Variants in MEI4 observed in about 807,000 individuals in gnomAD.
The protein encoded by MEI4 is meiosis-specific protein MEI4.
Under a neutral mutation model 31.4 loss-of-function variants are expected in MEI4, and 27 were observed. The ratio of observed to expected loss-of-function variants is 0.86; its 90% CI spans 0.63 to 1.19. The LOEUF (loss-of-function observed/expected upper bound fraction) is 1.19. MEI4 is among the 50% of genes most tolerant of loss of function. MEI4 has a pLI of 0.00. For synonymous variants in MEI4, 122 were observed against 145.4 expected (o/e 0.84, Z 1.16); for missense variants, 329 against 398.9 (o/e 0.82, Z 1.49).
chr6:77,783,542 A>G (rs1327221310), intron 3 of MEI4, among the ~76,000 whole-genome samples: 1 of 152,186 alleles, frequency 6.6e-6, no homozygotes, highest in African/African-American at 2.4e-5. Flanking sequence ...GAACAGGCTC[A>G]GAAAGATGTC....
intron 2 of MEI4, among the ~76,000 whole-genome samples, chr6:77,742,537 G>C (rs185993327): frequency 9.9e-5 from 15 of 152,284 alleles, no homozygotes; most frequent in African/African-American, 3.6e-4. Context: ...GGTGAGATGA[G>C]TAGTTTGCGA....
chr6:77,784,623 A>G (rs990686063), intron 3 of MEI4, among the ~76,000 whole-genome samples: 2 of 152,198 alleles, frequency 1.3e-5, no homozygotes, highest in Non-Finnish European at 2.9e-5. Flanking sequence ...TAAAGCTGGC[A>G]GAACAACAAT....
chr6:77,868,856 C>A (rs1462410976), intron 4 of MEI4, among the ~76,000 whole-genome samples: 1 of 152,010 alleles, frequency 6.6e-6, no homozygotes, highest in Non-Finnish European at 1.5e-5. Context: ...TCCCAACCAG[C>A]AGTGCCCAAG....
At chr6:77,680,849 G>C (rs1188076147) in intron 1 of MEI4, among the ~76,000 whole-genome samples, 1 of 152,174 alleles carries the variant, frequency 6.6e-6, no homozygotes, top group African/African-American at 2.4e-5. Context: ...AAATTTAAAT[G>C]AGTGAGACTG....
chr6:77,679,775 C>T (rs558506686), intron 1 of MEI4, among the ~76,000 whole-genome samples: 2 of 151,900 alleles, frequency 1.3e-5, no homozygotes, highest in East Asian at 2.0e-4. Flanking sequence ...CAGTCTCGCT[C>T]CGTCTCCCAG....
chr6:77,811,955 A>C (rs1165132375), intron 3 of MEI4, among the ~76,000 whole-genome samples: 2 of 152,134 alleles, frequency 1.3e-5, no homozygotes, highest in African/African-American at 2.4e-5. Context: ...TGATTTCTAA[A>C]ATCCTTTGTA....
intron 3 of MEI4, among the ~76,000 whole-genome samples, chr6:77,810,012 A>C (rs1769537756): frequency 6.6e-6 from 1 of 152,200 alleles, no homozygotes; most frequent in Non-Finnish European, 1.5e-5. Context: ...AGCACTAGAA[A>C]TATTAAGACC....
chr6:77,685,633 T>C (rs1769041620), intron 1 of MEI4, among the ~76,000 whole-genome samples: 1 of 152,096 alleles, frequency 6.6e-6, no homozygotes, highest in Admixed American at 6.6e-5. Flanking sequence ...ACCCATGTTA[T>C]GCAGCTCTTT....
At chr6:77,674,084 A>G (rs1768796909) in intron 1 of MEI4, among the ~76,000 whole-genome samples, 1 of 152,176 alleles carries the variant, frequency 6.6e-6, no homozygotes, top group Non-Finnish European at 1.5e-5. Context: ...TTCTGCTGCA[A>G]AAGGTAGAGC....
At chr6:77,811,495 G>A (rs768619282) in intron 3 of MEI4, among the ~76,000 whole-genome samples, 1 of 152,144 alleles carries the variant, frequency 6.6e-6, no homozygotes, top group African/African-American at 2.4e-5. Context: ...CATGTTAGAA[G>A]TAAATCTTAA....
intron 4 of MEI4, among the ~76,000 whole-genome samples, chr6:77,900,981 G>A (rs1391969464): frequency 6.6e-6 from 1 of 151,766 alleles, no homozygotes; most frequent in African/African-American, 2.4e-5. Flanking sequence ...TTTTGTGCCT[G>A]GATAATTTAA....
rs181716093 is a variant in MEI4 at position 77,910,770 on chromosome 6, T to C, written c.901-12319T>C. Among the ~76,000 whole-genome samples the C allele has an allele frequency of 6.8e-4, 104 of 152,246 alleles. 1 individual carries two copies. Among genetic ancestry groups the C allele is most frequent in the Admixed American group, 1.2e-3 (19 of 15,268 alleles). On this transcript the variant is annotated intron_variant, in intron 4 of 4. Coordinates refer to ENST00000684080, the MANE Select transcript of MEI4 (RefSeq NM_001322247.2). ...TTTTGAGATACTGATTTAATTTCCT[T>C]TGGACAAATAGTAGTTGGATTGGTG...
rs532759346 is a variant in MEI4, at chr6:77,802,549, A to C, written c.769-26382A>C. 2.0e-5 allele frequency among the ~76,000 whole-genome samples: 3 copies of C among 152,214 alleles called. No individual in the cohort carries two copies. The East Asian group carries it at 5.8e-4, about 29-fold the overall frequency. ...TGGTTATTTTGCTCGTTAGTTGATGAAGTTTCTTCCTAGCCTCAATGGTCT... is the reference window on the plus strand; with the variant it reads ...TGGTTATTTTGCTCGTTAGTTGATGCAGTTTCTTCCTAGCCTCAATGGTCT... On this transcript the variant is annotated intron_variant, in intron 3 of 4. Coordinates refer to ENST00000684080, the MANE Select transcript of MEI4 (RefSeq NM_001322247.2).
chr6:77,757,066 G>T (rs2127680691), intron 2 of MEI4, among the ~76,000 whole-genome samples: 1 of 152,306 alleles, frequency 6.6e-6, no homozygotes, highest in East Asian at 1.9e-4. Context: ...GGAATGTAAT[G>T]ATTTCACTTG....
rs1766775482 is a variant in MEI4 at position 77,923,862 on chromosome 6, C to G, written c.*516C>G. On this transcript the variant is annotated 3_prime_UTR_variant, in exon 5 of 5. Transcript: ENST00000684080. ...AGACGAGAATCATATAGAAGTAGAA[C>G]TTTTTTAACATTTGGAAACTTAATT... 1 of 151,720 alleles carries G rather than the reference C, an allele frequency of 6.6e-6. No homozygotes were observed. Among genetic ancestry groups the G allele is most frequent in the African/African-American group, 2.4e-5 (1 of 41,356 alleles). The allele number at this position is 151,720 out of a possible 1,614,324, so 9.4% of individuals were successfully genotyped here.
chr6:77,659,298 T>A (rs1221613970), intron 1 of MEI4, among the ~76,000 whole-genome samples: 1 of 152,076 alleles, frequency 6.6e-6, no homozygotes, highest in African/African-American at 2.4e-5. Flanking sequence ...TAAGGAAGAC[T>A]AGTGTGCATG....
At chr6:77,827,171 T>C (rs1007385655) in intron 3 of MEI4, among the ~76,000 whole-genome samples, 7 of 151,856 alleles carry the variant, frequency 4.6e-5, no homozygotes, top group Middle Eastern at 6.8e-3. Context: ...CCATCCTGGC[T>C]AACACGGTGA....
chr6:77,671,054 GTTTTTTTTTTT>G (rs35429284), intron 1 of MEI4, among the ~76,000 whole-genome samples: 1 of 110,448 alleles, frequency 9.1e-6, no homozygotes, highest in Non-Finnish European at 1.9e-5. Context: ...GTGAATTGTT[GTTTTTTTTTTT>G]TTTTTTTTTT....
In MEI4 at chr6:77,736,524, G is replaced by A. The variant is rs150607638; in HGVS notation, c.233-24606G>A. The stretch of plus-strand genomic sequence containing the variant: ...ACGGTGCGCGCACACACTGACCTGC[G>A]CCCACTGTCTGGCACTCCCTAATGA... On this transcript the variant is annotated intron_variant, in intron 2 of 4. Transcript: ENST00000684080. Among the ~76,000 whole-genome samples the A allele has an allele frequency of 7.1e-3, 1,082 of 152,062 alleles. 27 individuals are homozygous for A. The highest frequency in any genetic ancestry group is 0.025 in the African/African-American group (1,016 of 41,414).
Sources: gnomAD v4.1 joint callset for allele counts (sites outside exome capture counted in the v4.1 genomes callset) on GRCh38, gnomAD v4.1.1 for gene constraint, MANE v1.5 for transcripts, NCBI Gene and HGNC (gene_info 2026-07-23, HGNC 2026-07-21) for gene names.